The following BEST4 variants were observed in gnomAD, a reference collection of about 807,000 sequenced individuals.
The protein encoded by BEST4 is bestrophin-4.
A neutral mutation model predicts 47.1 loss-of-function variants in BEST4; 36 were observed. That is an observed-to-expected ratio of 0.76 (90% confidence interval 0.59 to 1.01). The LOEUF is 1.01. Ranked by LOEUF, BEST4 falls within the 50% of genes least tolerant of loss-of-function variation. The pLI, the probability that BEST4 is intolerant of heterozygous loss-of-function variation, is 0.00. For missense variants in BEST4, 550 were observed against 648.6 expected, an observed-to-expected ratio of 0.85 and a Z score of 1.65; for synonymous variants, 250 against 277.8, an observed-to-expected ratio of 0.90 and a Z score of 1.00.
chr1:44,784,199 C>A lies in BEST4; in HGVS notation c.*11G>T. The A allele has an allele frequency of 7.1e-7, 1 of 1,403,116 alleles. No homozygotes were observed. Among genetic ancestry groups the A allele is most frequent in the Non-Finnish European group, 9.2e-7 (1 of 1,088,498 alleles). The allele number at this position is 1,403,116 out of a possible 1,614,324, so 86.9% of individuals were successfully genotyped here. A position where few individuals can be genotyped will look rare whatever the true frequency, so the allele number is the denominator to read the frequency against. ...GTGGGTGGGGGAAACCGGGCGGGGG[C>A]AGGCGAGACCTCAGGGCTCCAGGGC... On this transcript the variant is annotated 3_prime_UTR_variant, in exon 9 of 9. Transcript: ENST00000372207. This position sits in a 1 kb window ranked among gnomAD's most constrained non-coding sequence, Gnocchi z 6.2.
At position 44,785,584 on chromosome 1, in the gene BEST4, G is replaced by A. The variant is rs1183012494; in HGVS notation, c.714+15C>T. ...TACAGTAGGCACTGGGACTCGGGAGGGGAGAGGCAGTTACTTGGGTGTAGA... is the reference window on the plus strand; with the variant it reads ...TACAGTAGGCACTGGGACTCGGGAGAGGAGAGGCAGTTACTTGGGTGTAGA... On this transcript the variant is annotated intron_variant, in intron 5 of 8. Transcript: ENST00000372207. 3 of 1,545,536 alleles carry A rather than the reference G, an allele frequency of 1.9e-6. No individual in the cohort carries two copies. Among genetic ancestry groups the A allele is most frequent in the Non-Finnish European group, 1.8e-6 (2 of 1,141,428 alleles).
rs779741317 is a variant in BEST4, at chr1:44,785,561, C to G, written c.714+38G>C. 63 of 1,502,782 alleles carry G rather than the reference C, an allele frequency of 4.2e-5. No individual in the cohort carries two copies. In the African/African-American group the frequency reaches 5.8e-4, roughly 14 times the overall value. 93.1% of individuals were successfully genotyped at this position (1,502,782 alleles called of 1,614,324 possible). On this transcript the variant is annotated intron_variant, in intron 5 of 8. Coordinates refer to ENST00000372207, the MANE Select transcript of BEST4 (RefSeq NM_153274.3). Reference sequence around the variant, plus strand: ...CATCTCACACACAGCACAGGACATACAGTAGGCACTGGGACTCGGGAGGGG... The same window carrying G: ...CATCTCACACACAGCACAGGACATAGAGTAGGCACTGGGACTCGGGAGGGG...
Position 44,787,483 on chromosome 1 carries a change from T to A in BEST4, c.153-17A>T. ...AGCAGCAGCCTGGGGAAGGCAGGTGTAGGCTTGGGTTAGAGGGAGGTGGGT... is the reference window on the plus strand; with the variant it reads ...AGCAGCAGCCTGGGGAAGGCAGGTGAAGGCTTGGGTTAGAGGGAGGTGGGT... On this transcript the variant is annotated splice_polypyrimidine_tract_variant and intron_variant, in intron 1 of 8. Transcript: ENST00000372207. 6.2e-7 allele frequency: 1 copy of A among 1,614,098 alleles called. No individual in the cohort carries two copies. Among genetic ancestry groups the A allele is most frequent in the South Asian group, 1.1e-5 (1 of 91,082 alleles).
rs1214708730 is a variant in BEST4, at chr1:44,784,730, C to T, written c.1047G>A (p.Lys349=). 6.2e-7 allele frequency: 1 copy of T among 1,605,098 alleles called. No homozygotes were observed. Among genetic ancestry groups the T allele is most frequent in the Non-Finnish European group, 8.5e-7 (1 of 1,175,408 alleles). ...GCTGGTCCTCATCCCAGTACTGGTC[C>T]TTCTCAGCGGGGGGAAGGTTCTGGT... ...EMYQNLPPAE[K]DQYWDEDQPQ... Residue 349 remains lysine (K), a synonymous_variant, in exon 8 of 9, where the codon AAG becomes AAA. Transcript: ENST00000372207. The surrounding 1 kb of genome is among the most constrained non-coding windows in gnomAD (Gnocchi z 6.2).
At chr1:44,792,576 T>C (rs1479583208), upstream of BEST4, among the ~76,000 whole-genome samples, 4 of 151,958 alleles carry the variant, frequency 2.6e-5, no homozygotes, top group Non-Finnish European at 5.9e-5. Flanking sequence ...TATCAGCACA[T>C]CTCTTATTTC....
Position 44,784,426 on chromosome 1 carries a change from C to T in BEST4, c.1206G>A (p.Arg402=), listed in dbSNP as rs778389103. 1,061 of 1,429,610 alleles carry T rather than the reference C, an allele frequency of 7.4e-4. 4 individuals are homozygous for T. Among genetic ancestry groups the T allele is most frequent in the Non-Finnish European group, 8.9e-4 (985 of 1,102,258 alleles). The allele number at this position is 1,429,610 out of a possible 1,614,324, so 88.6% of individuals were successfully genotyped here. A position where few individuals can be genotyped will look rare whatever the true frequency, so the allele number is the denominator to read the frequency against. The stretch of plus-strand genomic sequence containing the variant: ...ACGGGGTCTGCGCGGCGGGCGCGGG[C>T]CGACCAGATCCGGGGGACGCCTCCA... ...LQVEASPGSG[R]PAPAAQTPLL... The change falls in exon 9 of 9, where the codon CGG becomes CGA. Residue 402 remains arginine (R), a synonymous_variant. Transcript: ENST00000372207. This position sits in a 1 kb window ranked among gnomAD's most constrained non-coding sequence, Gnocchi z 6.2.
chr1:44,784,896 C>T lies in BEST4; in HGVS notation c.993+9G>A, dbSNP rs780220883. 9.3e-6 allele frequency: 15 copies of T among 1,613,938 alleles called. No individual in the cohort carries two copies. The East Asian group carries it at 3.3e-4, about 36-fold the overall frequency. On this transcript the variant is annotated intron_variant, in intron 7 of 8. Coordinates refer to ENST00000372207, the MANE Select transcript of BEST4 (RefSeq NM_153274.3). This position sits in a 1 kb window ranked among gnomAD's most constrained non-coding sequence, Gnocchi z 6.2. ...CTGCCCTGGACTCCTGATCCTGATG[C>T]TTGCTCACCTGCAAGTTGCGGTCTA... is the stretch of plus-strand genomic sequence containing the variant.
At chr1:44,789,126 C>T (rs536164967), upstream of BEST4, among the ~76,000 whole-genome samples, 4 of 150,824 alleles carry the variant, frequency 2.7e-5, no homozygotes, top group African/African-American at 7.3e-5. Flanking sequence ...TGTGGTGGCA[C>T]GAACTTGTAA....
chr1:44,791,166 C>A (rs1047609784), upstream of BEST4, among the ~76,000 whole-genome samples: 2 of 151,844 alleles, frequency 1.3e-5, no homozygotes, highest in African/African-American at 2.4e-5. Flanking sequence ...GCGTTACATT[C>A]TCCATGGGAG....
chr1:44,786,792 C>T lies in BEST4; in HGVS notation c.248-96G>A. Reference sequence around the variant, plus strand: ...CCCCCAGCAAAGGGCCTGGTCCAGGCCAGTTGAATCGTGGCAGGGGGAAGG... The same window carrying T: ...CCCCCAGCAAAGGGCCTGGTCCAGGTCAGTTGAATCGTGGCAGGGGGAAGG... On this transcript the variant is annotated intron_variant, in intron 2 of 8. Coordinates refer to ENST00000372207, the MANE Select transcript of BEST4 (RefSeq NM_153274.3). The surrounding 1 kb of genome is among the most constrained non-coding windows in gnomAD (Gnocchi z 4.9). The T allele has an allele frequency of 1.1e-6, 1 of 919,946 alleles. No homozygotes were observed. The allele number at this position is 919,946 out of a possible 1,614,324, so 57.0% of individuals were successfully genotyped here. A position where few individuals can be genotyped will look rare whatever the true frequency, so the allele number is the denominator to read the frequency against.
chr1:44,789,489 G>A (rs1343660182), upstream of BEST4, among the ~76,000 whole-genome samples: 18 of 151,234 alleles, frequency 1.2e-4, no homozygotes, highest in Non-Finnish European at 1.8e-4. Flanking sequence ...ACCTGAGGTC[G>A]GGAGTTCGAG....
Position 44,786,527 on chromosome 1 carries a change from C to T in BEST4, c.417G>A (p.Val139=), listed in dbSNP as rs1027951216. The T allele has an allele frequency of 1.3e-6, 2 of 1,550,218 alleles. No homozygotes were observed. Among genetic ancestry groups the T allele is most frequent in the Non-Finnish European group, 1.7e-6 (2 of 1,148,108 alleles). The change falls in exon 3 of 9, where the codon GTG becomes GTA. Residue 139 remains valine (V), a synonymous_variant. Transcript: ENST00000372207. This position sits in a 1 kb window ranked among gnomAD's most constrained non-coding sequence, Gnocchi z 4.9. ...GCACGCGGGTGCTGACCGAGCGCAGCACCAGCACGGACGCCAGGTTCGCGT... is the reference window on the plus strand; with the variant it reads ...GCACGCGGGTGCTGACCGAGCGCAGTACCAGCACGGACGCCAGGTTCGCGT... ...IRYANLASVL[V]LRSVSTRVLK...
chr1:44,787,037 T>A (rs529671951), intron 2 of BEST4, among the ~76,000 whole-genome samples: 1 of 151,354 alleles, frequency 6.6e-6, no homozygotes, highest in Non-Finnish European at 1.5e-5. Context: ...GTCCGGCAAG[T>A]GATAGGGCCC....
rs1456619811 is a variant in BEST4 at position 44,783,700 on chromosome 1, G to GTA, written c.*508_*509dup. ...TTTTGAGTAAGGTTACCAGGGTAAG[G>GTA]TATACCCCTTCAAGCACGTTTCACA... On this transcript the variant is annotated 3_prime_UTR_variant, in exon 9 of 9. Coordinates refer to ENST00000372207, the MANE Select transcript of BEST4 (RefSeq NM_153274.3). 6.5e-6 allele frequency: 1 copy of GTA among 152,892 alleles called. No homozygotes were observed. The highest frequency in any genetic ancestry group is 1.9e-4 in the East Asian group (1 of 5,228). 9.5% of individuals were successfully genotyped at this position (152,892 alleles called of 1,614,324 possible).
Position 44,784,524 on chromosome 1 carries a change from G to T in BEST4, c.1149-41C>A. ...CGGGCTGAGCCGGGGCACAGGGCGG[G>T]AGCGGGGACGCGGGATCGGCTCTCG... On this transcript the variant is annotated intron_variant, in intron 8 of 8. Transcript: ENST00000372207. This position sits in a 1 kb window ranked among gnomAD's most constrained non-coding sequence, Gnocchi z 6.2. The T allele has an allele frequency of 6.7e-7, 1 of 1,498,542 alleles. No homozygotes were observed. Among genetic ancestry groups the T allele is most frequent in the South Asian group, 1.3e-5 (1 of 75,842 alleles). The allele number at this position is 1,498,542 out of a possible 1,614,324, so 92.8% of individuals were successfully genotyped here. A position where few individuals can be genotyped will look rare whatever the true frequency, so the allele number is the denominator to read the frequency against.
rs1176504177 is a variant in BEST4 at position 44,784,180 on chromosome 1, G to A, written c.*30C>T. The A allele has an allele frequency of 1.5e-5, 21 of 1,385,898 alleles. 1 individual carries two copies. The South Asian group carries it at 2.5e-4, about 16-fold the overall frequency. 85.9% of individuals were successfully genotyped at this position (1,385,898 alleles called of 1,614,324 possible). On this transcript the variant is annotated 3_prime_UTR_variant, in exon 9 of 9. Transcript: ENST00000372207. The surrounding 1 kb of genome is among the most constrained non-coding windows in gnomAD (Gnocchi z 6.2). ...ACGGGAGGGAAGGAGGGCAGTGGGT[G>A]GGGGAAACCGGGCGGGGGCAGGCGA...
chr1:44,783,418 G>T (rs534110217), downstream of BEST4, among the ~76,000 whole-genome samples: 70 of 152,112 alleles, frequency 4.6e-4, 3 homozygotes, highest in South Asian at 0.014. Context: ...GTCTAGGGTG[G>T]GTGGTGGATG....
chr1:44,786,021 T>C lies in BEST4; in HGVS notation c.636+53A>G. The C allele has an allele frequency of 6.5e-7, 1 of 1,533,124 alleles. No homozygotes were observed. The highest frequency in any genetic ancestry group is 8.8e-7 in the Non-Finnish European group (1 of 1,141,866). 95.0% of individuals were successfully genotyped at this position (1,533,124 alleles called of 1,614,324 possible). Reference sequence around the variant, plus strand: ...TGTTAGGTATTAAAATTATTATTCATCTTTAAAATTAGAGGGAGGAGGGCA... The same window carrying C: ...TGTTAGGTATTAAAATTATTATTCACCTTTAAAATTAGAGGGAGGAGGGCA... On this transcript the variant is annotated intron_variant, in intron 4 of 8. Coordinates refer to ENST00000372207, the MANE Select transcript of BEST4 (RefSeq NM_153274.3). The surrounding 1 kb of genome is among the most constrained non-coding windows in gnomAD (Gnocchi z 4.9).
chr1:44,786,350 T>G lies in BEST4; in HGVS notation c.481+113A>C. ...TGTCCCAGGACTCGCGGTTCCGCGT[T>G]CCTGTCGCAGTCCAGACCCTTCCCT... On this transcript the variant is annotated intron_variant, in intron 3 of 8. Coordinates refer to ENST00000372207, the MANE Select transcript of BEST4 (RefSeq NM_153274.3). This position sits in a 1 kb window ranked among gnomAD's most constrained non-coding sequence, Gnocchi z 4.9. 6.9e-7 allele frequency: 1 copy of G among 1,453,382 alleles called. No individual in the cohort carries two copies. Among genetic ancestry groups the G allele is most frequent in the South Asian group, 1.3e-5 (1 of 74,312 alleles). The allele number at this position is 1,453,382 out of a possible 1,614,324, so 90.0% of individuals were successfully genotyped here. A position where few individuals can be genotyped will look rare whatever the true frequency, so the allele number is the denominator to read the frequency against.
Sources: gnomAD v4.1 joint callset for allele counts (sites outside exome capture counted in the v4.1 genomes callset) on GRCh38, gnomAD v4.1.1 for gene constraint, Gnocchi (gnomAD v3.1) non-coding constraint, MANE v1.5 for transcripts, NCBI Gene and HGNC (gene_info 2026-07-23, HGNC 2026-07-21) for gene names.